The following PDZD9 variants were observed in gnomAD, a reference collection of about 807,000 sequenced individuals.
PDZD9 encodes the protein PDZ domain-containing protein 9.
In PDZD9, 13 loss-of-function variants were observed where a neutral mutation model predicts 16.3. That is an observed-to-expected ratio of 0.80 (90% CI 0.52 to 1.27). The LOEUF is 1.27. Among genes scored for constraint, PDZD9 ranks in the 50% most tolerant of loss-of-function variants. The pLI, the probability that PDZD9 is intolerant of heterozygous loss-of-function variation, is 0.00. For synonymous variants in PDZD9, 120 were observed against 111.0 expected (o/e 1.08, Z -0.51); for missense variants, 288 against 310.9 (o/e 0.93, Z 0.55).
At chr16:21,986,161 G>C (rs191186746) in intron 3 of PDZD9, among the ~76,000 whole-genome samples, 1 of 152,192 alleles carries the variant, frequency 6.6e-6, no homozygotes, top group Admixed American at 6.5e-5. Flanking sequence ...TATACCCAGT[G>C]CCATTTTCTC....
the PDZD9 span, chr16:21,962,722 A>G: frequency 3.1e-6 from 5 of 1,612,814 alleles, no homozygotes; most frequent in South Asian, 1.1e-5. Context: ...TTGGCTTTAC[A>G]TTTTTGACTC....
chr16:21,982,442 TCC>T (rs1250811574), downstream of PDZD9, among the ~76,000 whole-genome samples: 2 of 152,210 alleles, frequency 1.3e-5, no homozygotes, highest in African/African-American at 4.8e-5. Context: ...GGAAAGTATA[TCC>T]CTGCCTGAAG....
downstream of PDZD9, chr16:21,980,680 G>T (rs1898702115): frequency 6.2e-7 from 1 of 1,613,716 alleles, no homozygotes; most frequent in Non-Finnish European, 8.5e-7. Flanking sequence ...TGATTCAGTG[G>T]CTAATGCTGA....
chr16:21,961,266 TA>T, the PDZD9 span: 1 of 417,176 alleles, frequency 2.4e-6, no homozygotes, highest in Non-Finnish European at 4.8e-6. Context: ...CCACAGTTTT[TA>T]ATCACATTCA....
chr16:21,969,781 C>T, the PDZD9 span, among the ~76,000 whole-genome samples: 2 of 151,996 alleles, frequency 1.3e-5, no homozygotes, highest in Non-Finnish European at 2.9e-5. Flanking sequence ...AGGGTGTGTT[C>T]ATCATCCCCC....
intron 3 of PDZD9, among the ~76,000 whole-genome samples, chr16:21,986,919 CA>C (rs1325813296): frequency 6.6e-6 from 1 of 151,936 alleles, no homozygotes; most frequent in East Asian, 1.9e-4. Context: ...GACCCTGAGG[CA>C]AAACAAAAGG....
chr16:21,961,639 TA>T, the PDZD9 span, among the ~76,000 whole-genome samples: 1 of 53,290 alleles, frequency 1.9e-5, no homozygotes, highest in Non-Finnish European at 3.1e-5. Context: ...TATATATATA[TA>T]TATATATATA....
At chr16:21,957,788 C>T in the PDZD9 span, among the ~76,000 whole-genome samples, 2 of 152,222 alleles carry the variant, frequency 1.3e-5, no homozygotes, top group African/African-American at 2.4e-5. Context: ...ATCAGCAGGG[C>T]TGTGATCCCT....
chr16:21,991,101 AAG>A (rs1899010372), intron 2 of PDZD9, among the ~76,000 whole-genome samples: 1 of 152,200 alleles, frequency 6.6e-6, no homozygotes, highest in African/African-American at 2.4e-5. Context: ...CCTCAAGGCT[AAG>A]GACCATGTCT....
At chr16:21,962,704 C>A in the PDZD9 span, 15 of 1,611,172 alleles carry the variant, frequency 9.3e-6, no homozygotes, top group Non-Finnish European at 1.3e-5. Context: ...TATGTAGAAT[C>A]TCAAATGTTG....
intron 1 of PDZD9, among the ~76,000 whole-genome samples, chr16:21,997,044 A>C (rs1899169559): frequency 6.6e-6 from 1 of 152,018 alleles, no homozygotes; most frequent in South Asian, 2.1e-4. Context: ...GCTAGTCTTG[A>C]ACTCCTGGAC....
At chr16:21,997,239 C>T (rs1013313105) in intron 1 of PDZD9, among the ~76,000 whole-genome samples, 5 of 152,112 alleles carry the variant, frequency 3.3e-5, no homozygotes, top group Admixed American at 1.3e-4. Flanking sequence ...AAGAAAAGGA[C>T]GGAGGGCTCT....
chr16:21,988,911 CA>C (rs1898953929), intron 2 of PDZD9, 120 bp from the exon 3 acceptor site: 2 of 642,776 alleles, frequency 3.1e-6, no homozygotes, highest in East Asian at 3.6e-5. Context: ...CTTTTTGAAC[CA>C]AAACCAGGCT....
chr16:21,964,844 G>A, the PDZD9 span, among the ~76,000 whole-genome samples: 36 of 152,276 alleles, frequency 2.4e-4, no homozygotes, highest in Non-Finnish European at 4.4e-4. Context: ...ACAGTGCCTC[G>A]CATAGGCAAG....
rs4783437 is a variant in PDZD9, at chr16:21,988,811, T to C, written c.212-20A>G. 769 of 1,573,732 alleles carry C rather than the reference T, an allele frequency of 4.9e-4. 5 individuals carry two copies. In the Middle Eastern group the frequency reaches 0.01, roughly 21 times the overall value. On this transcript the variant is annotated intron_variant, in intron 2 of 3. Transcript: ENST00000424898. ...CATCACCTGAAGAGGGAAAAAATTA[T>C]GTATCAGTAAAACTAGAGGTTTAAA... is the stretch of plus-strand genomic sequence containing the variant.
the PDZD9 span, among the ~76,000 whole-genome samples, chr16:21,958,993 A>C: frequency 2.0e-4 from 31 of 152,346 alleles, no homozygotes; most frequent in Middle Eastern, 3.4e-3. Context: ...ACATAACCTT[A>C]ATTTTAAAAT....
At chr16:21,960,818 G>GC in the PDZD9 span, among the ~76,000 whole-genome samples, 2 of 152,048 alleles carry the variant, frequency 1.3e-5, no homozygotes, top group African/African-American at 4.8e-5. Flanking sequence ...GACAGAAACA[G>GC]CATTTCTTTT....
At chr16:21,980,675 C>G, downstream of PDZD9, 1 of 1,614,052 alleles carries the variant, frequency 6.2e-7, no homozygotes. Flanking sequence ...CAGATTGATT[C>G]AGTGGCTAAT....
chr16:21,968,580 T>C, the PDZD9 span: 1 of 1,490,652 alleles, frequency 6.7e-7, no homozygotes, highest in Non-Finnish European at 9.1e-7. Flanking sequence ...TTTACAGCTT[T>C]TTATATTTAT....
Sources: gnomAD v4.1 joint callset for allele counts (sites outside exome capture counted in the v4.1 genomes callset) on GRCh38, gnomAD v4.1.1 for gene constraint, MANE v1.5 for transcripts, NCBI Gene and HGNC (gene_info 2026-07-23, HGNC 2026-07-21) for gene names.